The following PPM1H variants were observed in gnomAD, a reference collection of about 807,000 sequenced individuals.
PPM1H encodes the protein protein phosphatase 1H.
Under a neutral mutation model 54.9 loss-of-function variants are expected in PPM1H, and 27 were observed. The ratio of observed to expected loss-of-function variants is 0.49; its 90% confidence interval spans 0.36 to 0.68. PPM1H has a LOEUF of 0.68. Ranked by LOEUF, PPM1H falls within the 30% of genes least tolerant of loss-of-function variation. PPM1H has a pLI of 0.00. For missense variants in PPM1H, 596 were observed against 667.8 expected (o/e 0.89, Z 1.19); for synonymous variants, 305 against 270.8 (o/e 1.13, Z -1.24).
intron 4 of PPM1H, among the ~76,000 whole-genome samples, chr12:62,764,984 G>C (rs866785310): frequency 6.6e-6 from 1 of 152,222 alleles, no homozygotes; most frequent in Non-Finnish European, 1.5e-5. Flanking sequence ...TCGAGGGATG[G>C]GCTGGGGCCA....
intron 8 of PPM1H, among the ~76,000 whole-genome samples, chr12:62,683,151 C>G (rs1394578043): frequency 6.6e-6 from 1 of 151,070 alleles, no homozygotes; most frequent in Non-Finnish European, 1.5e-5. Flanking sequence ...TTCAAATGAT[C>G]TTCTCGCCTT....
At chr12:62,722,400 G>A (rs1449557446) in intron 5 of PPM1H, among the ~76,000 whole-genome samples, 1 of 152,166 alleles carries the variant, frequency 6.6e-6, no homozygotes, top group Non-Finnish European at 1.5e-5. Flanking sequence ...TTACAAATGA[G>A]AACACTACAT....
intron 3 of PPM1H, among the ~76,000 whole-genome samples, chr12:62,788,946 G>A (rs181558684): frequency 1.4e-4 from 21 of 151,698 alleles, no homozygotes; most frequent in African/African-American, 4.4e-4. Context: ...GGCTGGTCTC[G>A]AACTCCTGTG....
At chr12:62,858,253 G>A (rs1016539377) in intron 1 of PPM1H, among the ~76,000 whole-genome samples, 2 of 152,104 alleles carry the variant, frequency 1.3e-5, no homozygotes, top group African/African-American at 4.8e-5. Flanking sequence ...TCAGAACTCA[G>A]TAGTATTCAT....
chr12:62,766,643 G>GA (rs762773535), intron 4 of PPM1H, among the ~76,000 whole-genome samples: 2 of 152,262 alleles, frequency 1.3e-5, no homozygotes, highest in African/African-American at 2.4e-5. Flanking sequence ...CTGTGGTCCT[G>GA]AAAAAAGAGG....
At chr12:62,667,942 A>G (rs776942061) in intron 8 of PPM1H, among the ~76,000 whole-genome samples, 8 of 152,160 alleles carry the variant, frequency 5.3e-5, no homozygotes, top group Non-Finnish European at 1.0e-4. Flanking sequence ...CTCCTCTCAC[A>G]TAAGGATGGG....
intron 4 of PPM1H, among the ~76,000 whole-genome samples, chr12:62,784,462 G>A (rs1055041588): frequency 5.9e-5 from 9 of 152,144 alleles, no homozygotes; most frequent in Non-Finnish European, 1.3e-4. Context: ...CTTTTCCTGA[G>A]CGTGAATAAT....
intron 4 of PPM1H, among the ~76,000 whole-genome samples, chr12:62,788,024 C>T (rs2076682907): frequency 6.6e-6 from 1 of 152,222 alleles, no homozygotes; most frequent in Non-Finnish European, 1.5e-5. Context: ...AGATTTATCA[C>T]AGACGTGTAC....
intron 1 of PPM1H, among the ~76,000 whole-genome samples, chr12:62,847,377 C>T (rs1869013275): frequency 6.6e-6 from 1 of 152,054 alleles, no homozygotes; most frequent in African/African-American, 2.4e-5. Flanking sequence ...CTCAATACAC[C>T]CTCACTATAC....
At chr12:62,733,627 T>C (rs1015847596) in intron 5 of PPM1H, among the ~76,000 whole-genome samples, 3 of 152,198 alleles carry the variant, frequency 2.0e-5, no homozygotes, top group Non-Finnish European at 4.4e-5. Context: ...GATTTCACCA[T>C]AAGATTATTT....
intron 4 of PPM1H, among the ~76,000 whole-genome samples, chr12:62,764,167 A>G (rs1371606099): frequency 7.1e-6 from 1 of 141,234 alleles, no homozygotes; most frequent in Non-Finnish European, 1.5e-5. Context: ...AAAATAGTGA[A>G]ATGAGAACAA....
At chr12:62,671,178 C>G (rs1271415810) in intron 8 of PPM1H, among the ~76,000 whole-genome samples, 1 of 152,064 alleles carries the variant, frequency 6.6e-6, no homozygotes, top group Non-Finnish European at 1.5e-5. Flanking sequence ...TTCCTGGAAG[C>G]CTCACATCAA....
intron 4 of PPM1H, among the ~76,000 whole-genome samples, chr12:62,749,545 C>A (rs2076429863): frequency 6.6e-6 from 1 of 152,154 alleles, no homozygotes; most frequent in South Asian, 2.1e-4. Context: ...GCCAGGGTTA[C>A]CTTACCATCG....
At position 62,693,787 on chromosome 12, in the gene PPM1H, G is replaced by A. The variant is rs2076097155; in HGVS notation, c.1137+149C>T. 1.2e-5 allele frequency: 9 copies of A among 729,734 alleles called. No individual in the cohort carries two copies. In the East Asian group the frequency reaches 2.5e-4, roughly 20 times the overall value. The allele number at this position is 729,734 out of a possible 1,614,324, so 45.2% of individuals were successfully genotyped here. Reference sequence around the variant, plus strand: ...CTTGGACCCTGAAGACAGGAGGCCTGAAGGATGATGGATGGGATATGCTTT... The same window carrying A: ...CTTGGACCCTGAAGACAGGAGGCCTAAAGGATGATGGATGGGATATGCTTT... On this transcript the variant is annotated intron_variant, in intron 7 of 9. Coordinates refer to ENST00000228705, the MANE Select transcript of PPM1H (RefSeq NM_020700.2).
At chr12:62,711,327 G>T (rs961362230) in intron 6 of PPM1H, among the ~76,000 whole-genome samples, 3 of 152,152 alleles carry the variant, frequency 2.0e-5, no homozygotes, top group African/African-American at 7.2e-5. Context: ...TACAAATGGG[G>T]AAACCAAGGC....
intron 9 of PPM1H, among the ~76,000 whole-genome samples, chr12:62,654,216 T>TAAAAA (rs2075831303): frequency 8.6e-5 from 1 of 11,660 alleles, no homozygotes; most frequent in Non-Finnish European, 1.9e-4. Context: ...AGACTCTTTC[T>TAAAAA]CAAAAAAAAA....
intron 9 of PPM1H, among the ~76,000 whole-genome samples, chr12:62,649,919 T>C (rs926189382): frequency 1.3e-5 from 2 of 152,176 alleles, no homozygotes; most frequent in African/African-American, 4.8e-5. Context: ...TGGTAAATCA[T>C]CAAGATAATA....
At chr12:62,833,057 G>C (rs1390939552) in intron 1 of PPM1H, among the ~76,000 whole-genome samples, 1 of 151,996 alleles carries the variant, frequency 6.6e-6, no homozygotes, top group African/African-American at 2.4e-5. Flanking sequence ...TCAACTCTTG[G>C]GTTTCCGCAC....
intron 4 of PPM1H, among the ~76,000 whole-genome samples, chr12:62,745,282 G>A (rs551540425): frequency 3.3e-5 from 5 of 151,964 alleles, no homozygotes; most frequent in Admixed American, 1.3e-4. Flanking sequence ...GGCTCGTCGC[G>A]AATGCCTGGG....
Sources: gnomAD v4.1 joint callset for allele counts (sites outside exome capture counted in the v4.1 genomes callset) on GRCh38, gnomAD v4.1.1 for gene constraint, MANE v1.5 for transcripts, NCBI Gene and HGNC (gene_info 2026-07-23, HGNC 2026-07-21) for gene names.